MRPL55: variants seen among roughly 807,000 people sequenced by gnomAD.
MRPL55 encodes the protein large ribosomal subunit protein mL55.
Under a neutral mutation model 10.6 loss-of-function variants are expected in MRPL55, and 7 were observed. The ratio of observed to expected loss-of-function variants is 0.66; its 90% CI spans 0.38 to 1.24. MRPL55 has a LOEUF of 1.24. Among genes scored for constraint, MRPL55 ranks in the 50% most tolerant of loss-of-function variants. MRPL55 has a pLI of 0.02. For synonymous variants in MRPL55, 57 were observed against 71.8 expected, an observed-to-expected ratio of 0.79 and a Z score of 1.04; for missense variants, 148 against 180.3, an observed-to-expected ratio of 0.82 and a Z score of 1.03.
chr1:228,109,147 A>T lies in MRPL55; in HGVS notation c.-126+2T>A, dbSNP rs1387425791. 1 of 152,364 alleles carries T rather than the reference A, an allele frequency of 6.6e-6. No homozygotes were observed. Among genetic ancestry groups the T allele is most frequent in the Non-Finnish European group, 1.5e-5 (1 of 68,160 alleles). 9.4% of individuals were successfully genotyped at this position (152,364 alleles called of 1,614,324 possible). Reference sequence around the variant, plus strand: ...TGTTCCCGGCCCACACGAGGCGCCAACCTGCGGCCGCCACAGTCGCTGCGG... The same window carrying T: ...TGTTCCCGGCCCACACGAGGCGCCATCCTGCGGCCGCCACAGTCGCTGCGG... On this transcript the variant is annotated splice_donor_variant, in intron 1 of 4. Coordinates refer to ENST00000336520, the MANE Select transcript of MRPL55 (RefSeq NM_181463.3). LOFTEE classifies it low-confidence loss of function (5UTR_SPLICE).
chr1:228,108,014 G>A (rs1318562732), intron 3 of MRPL55, 145 bp from the exon 4 acceptor site: 24 of 1,544,350 alleles, frequency 1.6e-5, no homozygotes, highest in Non-Finnish European at 1.8e-5. Context: ...GATGAGCCTC[G>A]GGGCTTCCTC....
At chr1:228,106,941 C>A in intron 4 of MRPL55, 23 bp from the exon 5 acceptor site, 1 of 1,601,612 alleles carries the variant, frequency 6.2e-7, no homozygotes, top group South Asian at 1.1e-5. Context: ...GACCAAGTTT[C>A]GTCCATGTGG....
chr1:228,107,813 G>A lies in MRPL55; in HGVS notation c.83C>T (p.Thr28Ile), dbSNP rs776650212. The A allele has an allele frequency of 1.2e-6, 2 of 1,613,218 alleles. No individual in the cohort carries two copies. The highest frequency in any genetic ancestry group is 1.1e-5 in the South Asian group (1 of 91,088). ...ATGPALRRLHTSSWRADSSRA... is the reference protein window; with the variant it reads ...ATGPALRRLHISSWRADSSRA... ...GCTGCTGTCAGCTCGCCAGGAGGAT[G>A]TGTGCAGGCGGCGGAGTGCAGGTCC... Residue 28 changes from threonine to isoleucine, a missense_variant, in exon 4 of 5, where the codon ACA becomes ATA. Thr to Ile is a moderately conservative substitution (Grantham distance 89). Transcript: ENST00000336520.
chr1:228,108,282 C>G lies in MRPL55; in HGVS notation c.-22G>C. The G allele has an allele frequency of 6.2e-7, 1 of 1,609,438 alleles. No homozygotes were observed. The highest frequency in any genetic ancestry group is 8.5e-7 in the Non-Finnish European group (1 of 1,178,168). ...CCATTCCTCCTTACAGCCCCAGTGG[C>G]ACGTGGAGGTGGTCAGTACAGGCCC... On this transcript the variant is annotated 5_prime_UTR_variant, in exon 3 of 5. Transcript: ENST00000336520.
chr1:228,106,704 T>C lies in MRPL55; in HGVS notation c.*56A>G, dbSNP rs1290548252. On this transcript the variant is annotated 3_prime_UTR_variant, in exon 5 of 5. Coordinates refer to ENST00000336520, the MANE Select transcript of MRPL55 (RefSeq NM_181463.3). ...TCCAGGTGGCAGCTTCAAGAACGAG[T>C]GATTTAAGAACAGCCCTCCCATCTT... 8 of 1,545,226 alleles carry C rather than the reference T, an allele frequency of 5.2e-6. No homozygotes were observed. The highest frequency in any genetic ancestry group is 7.1e-6 in the Non-Finnish European group (8 of 1,134,646).
rs200018997 is a variant in MRPL55 at position 228,106,867 on chromosome 1, G to A, written c.280C>T (p.Arg94Trp). ...GACTGGAGCTGAGCCTCACGCTTCC[G>A]CAGCCTGGCCCGGCGCTCCTCAGGA... ...LSPEERRARLRKREAQLQSRK... is the reference protein window; with the variant it reads ...LSPEERRARLWKREAQLQSRK... The change falls in exon 5 of 5, where the codon CGG (arginine) becomes TGG (tryptophan). Residue 94 changes from arginine to tryptophan, a missense_variant. Physicochemically the swap from Arg to Trp is moderately radical, Grantham distance 101. Coordinates refer to ENST00000336520, the MANE Select transcript of MRPL55 (RefSeq NM_181463.3). 29 of 1,613,774 alleles carry A rather than the reference G, an allele frequency of 1.8e-5. No individual in the cohort carries two copies. The highest frequency in any genetic ancestry group is 1.9e-5 in the Non-Finnish European group (23 of 1,179,980).
Position 228,106,872 on chromosome 1 carries a change from C to T in MRPL55, c.275G>A (p.Arg92Lys). ...DTLSPEERRA[R>K]LRKREAQLQS... Reference sequence around the variant, plus strand: ...GAGCTGAGCCTCACGCTTCCGCAGCCTGGCCCGGCGCTCCTCAGGAGACAG... The same window carrying T: ...GAGCTGAGCCTCACGCTTCCGCAGCTTGGCCCGGCGCTCCTCAGGAGACAG... The change falls in exon 5 of 5, where the codon AGG (arginine) becomes AAG (lysine). Residue 92 changes from arginine to lysine, a missense_variant. By Grantham distance (26) the Arg-to-Lys change is conservative. Coordinates refer to ENST00000336520, the MANE Select transcript of MRPL55 (RefSeq NM_181463.3). 6.2e-7 allele frequency: 1 copy of T among 1,613,864 alleles called. No homozygotes were observed. Among genetic ancestry groups the T allele is most frequent in the Non-Finnish European group, 8.5e-7 (1 of 1,180,028 alleles).
intron 3 of MRPL55, 81 bp downstream of exon 3, chr1:228,108,154 T>C (rs1201013087): frequency 9.7e-6 from 15 of 1,551,506 alleles, no homozygotes; most frequent in Admixed American, 5.8e-5. Flanking sequence ...AGGATTAGAA[T>C]GGCGGTTTCC....
rs947310223 is a variant in MRPL55 at position 228,107,531 on chromosome 1, A to G, written c.228+137T>C. ...GCCTTCCTCCACTCCTCCAACAACC[A>G]CCTGCTCCCCTGACTCCTGTCATGT... On this transcript the variant is annotated intron_variant, in intron 4 of 4. Coordinates refer to ENST00000336520, the MANE Select transcript of MRPL55 (RefSeq NM_181463.3). The G allele has an allele frequency of 4.2e-5, 34 of 806,586 alleles. 2 individuals carry two copies. The South Asian group carries it at 5.0e-4, about 12-fold the overall frequency. 50.0% of individuals were successfully genotyped at this position (806,586 alleles called of 1,614,324 possible). A position where few individuals can be genotyped will look rare whatever the true frequency, so the allele number is the denominator to read the frequency against.
chr1:228,108,158 G>A (rs1289840098), intron 3 of MRPL55, 77 bp downstream of exon 3: 8 of 1,554,218 alleles, frequency 5.1e-6, no homozygotes, highest in Middle Eastern at 1.7e-4. Flanking sequence ...TTAGAATGGC[G>A]GTTTCCTGCT....
Position 228,108,271 on chromosome 1 carries a change from A to G in MRPL55, c.-11T>C. The G allele has an allele frequency of 6.2e-7, 1 of 1,610,960 alleles. No individual in the cohort carries two copies. The highest frequency in any genetic ancestry group is 8.5e-7 in the Non-Finnish European group (1 of 1,178,906). On this transcript the variant is annotated 5_prime_UTR_variant, in exon 3 of 5. Coordinates refer to ENST00000336520, the MANE Select transcript of MRPL55 (RefSeq NM_181463.3). ...GCCCACGGCCGCCATTCCTCCTTAC[A>G]GCCCCAGTGGCACGTGGAGGTGGTC...
chr1:228,108,211 A>C, intron 3 of MRPL55, 24 bp downstream of exon 3: 1 of 1,608,516 alleles, frequency 6.2e-7, no homozygotes, highest in Non-Finnish European at 8.5e-7. Context: ...AGTAATCCCC[A>C]GGGACCTAAA....
rs1164601754 is a variant in MRPL55, at chr1:228,107,857, C to T, written c.39G>A (p.Gln13=). ...CAGGTCCGGTGGCCTTCACGGTGCTCTGCCTCAGCCGGCTGCAGATAAATG... is the reference window on the plus strand; with the variant it reads ...CAGGTCCGGTGGCCTTCACGGTGCTTTGCCTCAGCCGGCTGCAGATAAATG... ...AVGSLLGRLR[Q]STVKATGPAL... is the part of the protein sequence containing the mutation. Residue 13 remains glutamine, a synonymous_variant, in exon 4 of 5, where the codon CAG becomes CAA. Transcript: ENST00000336520. The T allele has an allele frequency of 6.2e-7, 1 of 1,613,064 alleles. No homozygotes were observed. The highest frequency in any genetic ancestry group is 1.1e-5 in the South Asian group (1 of 91,076).
chr1:228,107,047 T>C, intron 4 of MRPL55, 129 bp from the exon 5 acceptor site: 4 of 656,262 alleles, frequency 6.1e-6, no homozygotes, highest in Non-Finnish European at 1.1e-5. Context: ...CAAACATTCT[T>C]ATTGGTCTCT....
rs372690646 is a variant in MRPL55, at chr1:228,106,841, C to T, written c.306G>A (p.Ser102=). 20 of 1,613,872 alleles carry T rather than the reference C, an allele frequency of 1.2e-5. No homozygotes were observed. Among genetic ancestry groups the T allele is most frequent in the Admixed American group, 1.0e-4 (6 of 60,000 alleles). The part of the protein sequence containing the change: ...RLRKREAQLQ[S]RKEYEQELSD... Reference sequence around the variant, plus strand: ...TGAGCTCCTGCTCGTACTCCTTCCTCGACTGGAGCTGAGCCTCACGCTTCC... The same window carrying T: ...TGAGCTCCTGCTCGTACTCCTTCCTTGACTGGAGCTGAGCCTCACGCTTCC... The change falls in exon 5 of 5, where the codon TCG becomes TCA. Residue 102 remains serine, a synonymous_variant. Transcript: ENST00000336520.
At chr1:228,108,713 C>T (rs1409190244) in intron 2 of MRPL55, 2 of 174,840 alleles carry the variant, frequency 1.1e-5, no homozygotes, top group Admixed American at 1.1e-4. Context: ...GAATGGAGGC[C>T]CAGGGCTGCT....
At chr1:228,108,573 A>G (rs780804198) in intron 2 of MRPL55, 11 of 413,374 alleles carry the variant, frequency 2.7e-5, no homozygotes, top group South Asian at 4.4e-5. Context: ...GCCGTTACCG[A>G]GTCTGCGAAA....
In MRPL55 at chr1:228,109,252, G is replaced by A. The variant is rs544934584; in HGVS notation, c.-229C>T. ...GGGACGAGGCCACGCAGGAGATCAA[G>A]GTACTCACTGCGTTGGGTGCTGCTG... On this transcript the variant is annotated 5_prime_UTR_variant, in exon 1 of 5. Coordinates refer to ENST00000336520, the MANE Select transcript of MRPL55 (RefSeq NM_181463.3). 1 of 152,482 alleles carries A rather than the reference G, an allele frequency of 6.6e-6. No homozygotes were observed. The highest frequency in any genetic ancestry group is 2.4e-5 in the African/African-American group (1 of 41,478). The allele number at this position is 152,482 out of a possible 1,614,324, so 9.4% of individuals were successfully genotyped here.
At chr1:228,107,933 A>C (rs1158839338) in intron 3 of MRPL55, 64 bp from the exon 4 acceptor site, 1 of 1,591,536 alleles carries the variant, frequency 6.3e-7, no homozygotes, top group East Asian at 2.3e-5. Flanking sequence ...AACATGACTG[A>C]GGCTGGCTGT....
Sources: allele counts gnomAD v4.1 joint callset, GRCh38; gene constraint gnomAD v4.1.1; transcripts MANE v1.5; gene names NCBI Gene and HGNC (gene_info 2026-07-23, HGNC 2026-07-21).